Variants in ALMS1 observed in about 807,000 individuals in gnomAD.
The protein encoded by ALMS1 is ALMS1 centrosome and basal body associated protein.
ALMS1 carries 271 observed loss-of-function variants against 352.2 expected under a neutral mutation model. The observed-to-expected ratio is 0.77, with a 90% CI of 0.70 to 0.85. The LOEUF is 0.85. Ranked by LOEUF, ALMS1 falls within the 40% of genes least tolerant of loss-of-function variation. ALMS1 has a pLI of 0.00. For missense variants in ALMS1, 5,445 were observed against 4,870.7 expected (o/e 1.12, Z -3.51); for synonymous variants, 1,865 against 1,761.2 (o/e 1.06, Z -1.48).
Position 73,448,750 on chromosome 2 carries a change from T to A in ALMS1, c.2223T>A (p.Thr741=). 1.9e-6 allele frequency: 3 copies of A among 1,604,910 alleles called. No homozygotes were observed. Among genetic ancestry groups the A allele is most frequent in the Non-Finnish European group, 2.6e-6 (3 of 1,173,964 alleles). ...ADSHQTEETL[T]KVSATPGPAD... is the part of the protein sequence containing the mutation. ...GTCATCAAACTGAAGAGACTCTTAC[T>A]AAAGTTTCAGCCACTCCTGGACCAG... Residue 741 remains threonine (T), a synonymous_variant, in exon 8 of 23, where the codon ACT becomes ACA. Coordinates refer to ENST00000613296, the MANE Select transcript of ALMS1 (RefSeq NM_001378454.1).
At position 73,414,252 on chromosome 2, in the gene ALMS1, C is replaced by A. The variant is rs961699229; in HGVS notation, c.451-4871C>A. Among the ~76,000 whole-genome samples the A allele has an allele frequency of 4.6e-5, 7 of 151,898 alleles. No homozygotes were observed. The East Asian group carries it at 1.3e-3, about 29-fold the overall frequency. On this transcript the variant is annotated intron_variant, in intron 2 of 22. Transcript: ENST00000613296. ...AATCTTACACGTTTTGTTAGACTTA[C>A]TGGTATTTTTAGAAATTTCTATTTC...
intron 10 of ALMS1, among the ~76,000 whole-genome samples, chr2:73,497,388 A>AC (rs1673131268): frequency 6.6e-6 from 1 of 151,866 alleles, no homozygotes; most frequent in South Asian, 2.1e-4. Flanking sequence ...ATTTTAGTGC[A>AC]CCCATCACCC....
chr2:73,560,191 C>G (rs1482762911), intron 15 of ALMS1, among the ~76,000 whole-genome samples: 1 of 152,046 alleles, frequency 6.6e-6, no homozygotes, highest in Non-Finnish European at 1.5e-5. Flanking sequence ...GCAAGAAAAA[C>G]CCAAACAACT....
chr2:73,464,897 AG>A (rs1672296257), intron 9 of ALMS1, among the ~76,000 whole-genome samples: 1 of 150,834 alleles, frequency 6.6e-6, no homozygotes, highest in Admixed American at 6.6e-5. Flanking sequence ...AAGGGATGGA[AG>A]GACTTCTTCA....
chr2:73,396,691 TG>T lies in ALMS1; in HGVS notation c.324+10504del, dbSNP rs1383562097. 9.4e-5 allele frequency among the ~76,000 whole-genome samples: 14 copies of T among 149,664 alleles called. No homozygotes were observed. The East Asian group carries it at 1.6e-3, about 17-fold the overall frequency. On this transcript the variant is annotated intron_variant, in intron 1 of 22. Coordinates refer to ENST00000613296, the MANE Select transcript of ALMS1 (RefSeq NM_001378454.1). ...CGGAGTCTTGCTCTGTCGCACAGGC[TG>T]GGGGTGCAGTGGCGCGATCTCAGCT... is the stretch of plus-strand genomic sequence containing the variant.
At chr2:73,507,699 A>G (rs1243626457) in intron 10 of ALMS1, among the ~76,000 whole-genome samples, 4 of 151,850 alleles carry the variant, frequency 2.6e-5, no homozygotes, top group Admixed American at 2.0e-4. Context: ...TGGTCTATCT[A>G]TTTTGTTAAT....
rs757475077 is a variant in ALMS1, at chr2:73,599,413, G to A, written c.11560G>A (p.Val3854Met). Residue 3854 changes from valine to methionine, a missense_variant, in exon 17 of 23, where the codon GTG (valine) becomes ATG (methionine). By Grantham distance (21) the Val-to-Met change is conservative (BLOSUM62 1). Coordinates refer to ENST00000613296, the MANE Select transcript of ALMS1 (RefSeq NM_001378454.1). ...RRRHIQVANHVISSDSISSSA... is the reference protein window; with the variant it reads ...RRRHIQVANHMISSDSISSSA... ...TTTATTTTTCTAGGTAGCAAACCAT[G>A]TGATTTCTTCTGACTCTATTTCCTC... 3.1e-6 allele frequency: 5 copies of A among 1,613,218 alleles called. No homozygotes were observed. The East Asian group carries it at 6.7e-5, about 22-fold the overall frequency.
intron 10 of ALMS1, among the ~76,000 whole-genome samples, chr2:73,512,352 G>A (rs1420761574): frequency 1.3e-5 from 2 of 151,764 alleles, no homozygotes; most frequent in Admixed American, 6.6e-5. Flanking sequence ...CAAAGTGCTG[G>A]GATTACAGGC....
chr2:73,432,509 G>A (rs549735519), intron 7 of ALMS1, among the ~76,000 whole-genome samples: 10 of 147,498 alleles, frequency 6.8e-5, no homozygotes, highest in African/African-American at 2.7e-4. Context: ...TTTGTTTCTT[G>A]CAGTTCTAGA....
At position 73,433,830 on chromosome 2, in the gene ALMS1, A is replaced by G. The variant is rs139900579; in HGVS notation, c.1432+1539A>G. Among the ~76,000 whole-genome samples, 312 of 152,302 alleles carry G rather than the reference A, an allele frequency of 2.0e-3. 1 individual carries two copies. Among genetic ancestry groups the G allele is most frequent in the Non-Finnish European group, 3.6e-3 (244 of 68,012 alleles). On this transcript the variant is annotated intron_variant, in intron 7 of 22. Coordinates refer to ENST00000613296, the MANE Select transcript of ALMS1 (RefSeq NM_001378454.1). ...TTAGATTTTATATTTTTCATGAATC[A>G]GCTTTTGCAATTTGTGTCTTAAATA...
Position 73,448,022 on chromosome 2 carries a change from A to G in ALMS1, c.1495A>G (p.Thr499Ala), listed in dbSNP as rs2103771259. ...ATCCAACTTGAAGTCAGGCATCACT[A>G]CCACTCCTGTTGATTCAGACATTGG... Reference protein sequence around the residue: ...TQSNLKSGITTTPVDSDIGSH... With the variant: ...TQSNLKSGITATPVDSDIGSH... Residue 499 changes from threonine (T) to alanine (A), a missense_variant, in exon 8 of 23, where the codon ACC becomes GCC. Coordinates refer to ENST00000613296, the MANE Select transcript of ALMS1 (RefSeq NM_001378454.1). 2 of 1,613,904 alleles carry G rather than the reference A, an allele frequency of 1.2e-6. No homozygotes were observed. The highest frequency in any genetic ancestry group is 1.3e-5 in the African/African-American group (1 of 75,022).
chr2:73,575,498 A>C (rs1053090805), intron 16 of ALMS1, among the ~76,000 whole-genome samples: 3 of 152,136 alleles, frequency 2.0e-5, no homozygotes, highest in Non-Finnish European at 4.4e-5. Flanking sequence ...CCATTTTTTA[A>C]TATATAAACT....
chr2:73,420,995 G>A (rs2103705871), intron 3 of ALMS1, among the ~76,000 whole-genome samples: 1 of 152,252 alleles, frequency 6.6e-6, no homozygotes, highest in South Asian at 2.1e-4. Flanking sequence ...TAAGAAAAAG[G>A]CATGGCAAGT....
At chr2:73,601,172 C>T (rs746362866) in intron 18 of ALMS1, 23 bp from the exon 19 acceptor site, 2 of 1,613,842 alleles carry the variant, frequency 1.2e-6, no homozygotes, top group Non-Finnish European at 1.7e-6. Context: ...ATCTGTGTTC[C>T]TTCTAAAAAC....
At chr2:73,595,352 C>T (rs1360163562) in intron 16 of ALMS1, among the ~76,000 whole-genome samples, 1 of 152,242 alleles carries the variant, frequency 6.6e-6, no homozygotes, top group Non-Finnish European at 1.5e-5. Flanking sequence ...CAGGCAACCT[C>T]TCATCTGCCT....
At chr2:73,608,937 A>G (rs1675882047) in intron 22 of ALMS1, among the ~76,000 whole-genome samples, 1 of 152,242 alleles carries the variant, frequency 6.6e-6, no homozygotes, top group Admixed American at 6.5e-5. Flanking sequence ...AGATACCTTT[A>G]GAACTGTTAA....
At chr2:73,566,474 G>A (rs940528266) in intron 15 of ALMS1, among the ~76,000 whole-genome samples, 16 of 152,184 alleles carry the variant, frequency 1.1e-4, no homozygotes, top group African/African-American at 3.9e-4. Flanking sequence ...GGAGCAGGAT[G>A]ACAAGAGATT....
chr2:73,458,033 CAAAAAAAAAAA>C (rs70965735), intron 9 of ALMS1: 2 of 75,294 alleles, frequency 2.7e-5, no homozygotes, highest in Non-Finnish European at 4.5e-5. Flanking sequence ...GACTTTGTCT[CAAAAAAAAAAA>C]AAAAAAAAAG....
At chr2:73,402,088 A>G (rs1282752685) in intron 1 of ALMS1, among the ~76,000 whole-genome samples, 1 of 151,506 alleles carries the variant, frequency 6.6e-6, no homozygotes, top group Non-Finnish European at 1.5e-5. Flanking sequence ...TAGTTTATTC[A>G]TTCATCAATG....
Sources: gnomAD v4.1 joint callset for allele counts (sites outside exome capture counted in the v4.1 genomes callset) on GRCh38, gnomAD v4.1.1 for gene constraint, MANE v1.5 for transcripts, NCBI Gene and HGNC (gene_info 2026-07-23, HGNC 2026-07-21) for gene names.